Variants in LEF1 observed in about 807,000 individuals in gnomAD.
LEF1 encodes the protein lymphoid enhancer-binding factor 1.
LEF1 carries 14 observed loss-of-function variants against 51.2 expected under a neutral mutation model. That is an observed-to-expected ratio of 0.27 (90% confidence interval 0.18 to 0.43). The LOEUF (loss-of-function observed/expected upper bound fraction) is 0.43. Among genes scored for constraint, LEF1 ranks in the 20% least tolerant of loss-of-function variants. The pLI is 1.00. For synonymous variants in LEF1, 185 were observed against 183.2 expected (o/e 1.01, Z -0.08); for missense variants, 386 against 512.0 (o/e 0.75, Z 2.37).
At chr4:108,149,756 G>C (rs934415682) in intron 3 of LEF1, among the ~76,000 whole-genome samples, 3 of 151,082 alleles carry the variant, frequency 2.0e-5, no homozygotes, top group Admixed American at 2.0e-4. Flanking sequence ...AATGACAAAA[G>C]ATTATAATAG....
At chr4:108,086,884 C>T (rs538055668) in intron 4 of LEF1, among the ~76,000 whole-genome samples, 3 of 139,926 alleles carry the variant, frequency 2.1e-5, no homozygotes, top group Admixed American at 7.2e-5. Context: ...AGGAAATTAA[C>T]CTGGAGTTGT....
chr4:108,098,999 G>A (rs1274933272), intron 3 of LEF1, among the ~76,000 whole-genome samples: 1 of 152,162 alleles, frequency 6.6e-6, no homozygotes, highest in Non-Finnish European at 1.5e-5. Flanking sequence ...TAGGCATTAG[G>A]TCGAGCCCTT....
intron 4 of LEF1, among the ~76,000 whole-genome samples, chr4:108,084,609 C>A (rs1739521568): frequency 6.6e-6 from 1 of 152,186 alleles, no homozygotes; most frequent in Non-Finnish European, 1.5e-5. Context: ...CGAACTATTT[C>A]TCAATTCTTA....
intron 3 of LEF1, among the ~76,000 whole-genome samples, chr4:108,089,656 C>A (rs1395815811): frequency 1.3e-5 from 2 of 152,134 alleles, no homozygotes; most frequent in African/African-American, 4.8e-5. Flanking sequence ...GTATTCACTA[C>A]ATATGTCTGG....
intron 3 of LEF1, among the ~76,000 whole-genome samples, chr4:108,091,099 T>C (rs547469807): frequency 1.3e-5 from 2 of 152,316 alleles, no homozygotes; most frequent in African/African-American, 4.8e-5. Flanking sequence ...TACTATATTA[T>C]TGACTAAAAT....
rs1288837690 is a variant in LEF1 at position 108,048,432 on chromosome 4, T to G, written c.*326A>C. On this transcript the variant is annotated 3_prime_UTR_variant, in exon 12 of 12. Coordinates refer to ENST00000265165, the MANE Select transcript of LEF1 (RefSeq NM_016269.5). ...ATGCTCTGGGAAGTGCACGCAGATA[T>G]GAGGGGAGAAAAGCTGCTCAGCTGC... 2 of 335,860 alleles carry G rather than the reference T, an allele frequency of 6.0e-6. No individual in the cohort carries two copies. The highest frequency in any genetic ancestry group is 1.1e-4 in the South Asian group (1 of 9,130). 20.8% of individuals were successfully genotyped at this position (335,860 alleles called of 1,614,324 possible).
chr4:108,092,673 G>T (rs1365249937), intron 3 of LEF1, among the ~76,000 whole-genome samples: 2 of 130,576 alleles, frequency 1.5e-5, no homozygotes, highest in African/African-American at 2.5e-5. Flanking sequence ...GAGTAGGTAA[G>T]CGGAAGAATA....
intron 11 of LEF1, among the ~76,000 whole-genome samples, chr4:108,050,598 A>ATT (rs1197803646): frequency 2.6e-5 from 4 of 152,118 alleles, no homozygotes; most frequent in Admixed American, 2.0e-4. Context: ...TTACATTATA[A>ATT]TTTTGCATCA....
intron 4 of LEF1, among the ~76,000 whole-genome samples, chr4:108,088,745 T>TAA (rs72212336): frequency 7.9e-5 from 12 of 151,900 alleles, no homozygotes; most frequent in Non-Finnish European, 1.8e-4. Context: ...TTCAAAAGAA[T>TAA]AAATCTCCTA....
chr4:108,083,162 C>G, intron 5 of LEF1, 194 bp downstream of exon 5: 1 of 580,778 alleles, frequency 1.7e-6, no homozygotes, highest in Non-Finnish European at 3.1e-6. Context: ...TATTAGCAAA[C>G]GGATCAATCC....
rs1387576640 is a variant in LEF1, at chr4:108,070,784, G to A, written c.1009-14C>T. ...GAGGGCATGCCACTAAAACAGAGAG[G>A]AAGGAAGAAAAAAACAAAAGTAAGC... On this transcript the variant is annotated splice_polypyrimidine_tract_variant and intron_variant, in intron 8 of 11. Transcript: ENST00000265165. 4 of 1,571,356 alleles carry A rather than the reference G, an allele frequency of 2.5e-6. No homozygotes were observed. The highest frequency in any genetic ancestry group is 1.8e-5 in the Admixed American group (1 of 56,616).
intron 3 of LEF1, among the ~76,000 whole-genome samples, chr4:108,110,918 T>C (rs1433538233): frequency 6.6e-6 from 1 of 152,176 alleles, no homozygotes; most frequent in Non-Finnish European, 1.5e-5. Context: ...GACTCTAGGT[T>C]ACAACTCATT....
intron 5 of LEF1, 44 bp from the exon 6 acceptor site, chr4:108,081,713 G>A: frequency 7.1e-7 from 1 of 1,403,484 alleles, no homozygotes; most frequent in Non-Finnish European, 1.0e-6. Flanking sequence ...CAAAACACCA[G>A]TTACCAACCA....
intron 3 of LEF1, among the ~76,000 whole-genome samples, chr4:108,132,685 T>TTTTTTTTTTG (rs1383252390): frequency 1.4e-5 from 2 of 139,606 alleles, no homozygotes; most frequent in African/African-American, 5.5e-5. Flanking sequence ...TTTTTTTTTT[T>TTTTTTTTTTG]GAGGCAGGGT....
At chr4:108,080,453 C>A (rs1443892871) in intron 6 of LEF1, among the ~76,000 whole-genome samples, 1 of 152,130 alleles carries the variant, frequency 6.6e-6, no homozygotes, top group South Asian at 2.1e-4. Flanking sequence ...TCACAGCCTA[C>A]ACAATTAATT....
intron 3 of LEF1, among the ~76,000 whole-genome samples, chr4:108,121,021 G>C (rs1023994739): frequency 6.6e-6 from 1 of 152,170 alleles, no homozygotes; most frequent in Non-Finnish European, 1.5e-5. Flanking sequence ...TCATACTGGT[G>C]TTTTCGAGAC....
chr4:108,128,112 A>T (rs2110346007), intron 3 of LEF1, among the ~76,000 whole-genome samples: 1 of 152,328 alleles, frequency 6.6e-6, no homozygotes, highest in East Asian at 1.9e-4. Flanking sequence ...ATAAATATGT[A>T]CCATTATGTA....
intron 3 of LEF1, among the ~76,000 whole-genome samples, chr4:108,110,107 G>C (rs777106885): frequency 1.3e-5 from 2 of 152,170 alleles, no homozygotes; most frequent in Non-Finnish European, 2.9e-5. Flanking sequence ...CCAGTAGGAG[G>C]GGAGATGCAG....
In LEF1 at chr4:108,100,220, A is replaced by G. The variant is rs146649365; in HGVS notation, c.415-10963T>C. ...AAGCAGATTACGTAAACTGGGTTCT[A>G]TGTAACTTTGCTTCATCTTAAAGCT... On this transcript the variant is annotated intron_variant, in intron 3 of 11. Coordinates refer to ENST00000265165, the MANE Select transcript of LEF1 (RefSeq NM_016269.5). 8.5e-5 allele frequency among the ~76,000 whole-genome samples: 13 copies of G among 152,352 alleles called. No homozygotes were observed. The East Asian group carries it at 2.5e-3, about 29-fold the overall frequency.
Sources: allele counts gnomAD v4.1 joint callset (sites outside exome capture counted in the v4.1 genomes callset), GRCh38; gene constraint gnomAD v4.1.1; transcripts MANE v1.5; gene names NCBI Gene and HGNC (gene_info 2026-07-23, HGNC 2026-07-21).